Variants in OCA2 observed in about 807,000 individuals in gnomAD.
The protein encoded by OCA2 is OCA2 melanosomal transmembrane protein.
Under a neutral mutation model 100.2 loss-of-function variants are expected in OCA2, and 77 were observed. That is an observed-to-expected ratio of 0.77 (90% CI 0.64 to 0.93). The LOEUF is 0.93. Ranked by LOEUF, OCA2 falls within the 40% of genes least tolerant of loss-of-function variation. The probability of loss-of-function intolerance (pLI) is 0.00; values close to 1 mark genes in which losing one functional copy is unlikely to be tolerated. For synonymous variants in OCA2, 432 were observed against 439.2 expected (o/e 0.98, Z 0.21); for missense variants, 1,062 against 1,089.1 (o/e 0.98, Z 0.35).
At chr15:27,747,750 A>C in the OCA2 span, among the ~76,000 whole-genome samples, 1 of 22,030 alleles carries the variant, frequency 4.5e-5, no homozygotes, top group Non-Finnish European at 1.6e-4. Flanking sequence ...AATATCTATT[A>C]AAAAAAATGA....
At chr15:27,857,481 G>A (rs1352889035) in intron 21 of OCA2, among the ~76,000 whole-genome samples, 6 of 152,114 alleles carry the variant, frequency 3.9e-5, no homozygotes, top group African/African-American at 9.7e-5. Context: ...GAAATGGATC[G>A]TGGTGATAGT....
chr15:27,946,340 C>A (rs1028686795), intron 18 of OCA2, among the ~76,000 whole-genome samples: 1 of 152,122 alleles, frequency 6.6e-6, no homozygotes, highest in African/African-American at 2.4e-5. Context: ...AATAGTCAGA[C>A]AAAGCGAAAA....
intron 22 of OCA2, among the ~76,000 whole-genome samples, chr15:27,849,429 C>T (rs559158461): frequency 1.3e-5 from 2 of 152,182 alleles, no homozygotes; most frequent in Non-Finnish European, 2.9e-5. Context: ...CTTGCCTCCA[C>T]CTCTGCTTTC....
chr15:27,759,299 A>G (rs1377609260), intron 23 of OCA2, among the ~76,000 whole-genome samples: 1 of 152,192 alleles, frequency 6.6e-6, no homozygotes, highest in Non-Finnish European at 1.5e-5. Flanking sequence ...TACTGCTAAG[A>G]AGGTCTTCAA....
chr15:27,912,888 T>C (rs1037568147), intron 19 of OCA2, among the ~76,000 whole-genome samples: 19 of 152,178 alleles, frequency 1.2e-4, no homozygotes, highest in African/African-American at 3.9e-4. Flanking sequence ...CTTTCAGTAA[T>C]AGGACATGCC....
Position 28,014,908 on chromosome 15 carries a change from G to T in OCA2, c.912C>A (p.Ile304=). Residue 304 remains isoleucine, a synonymous_variant, in exon 9 of 24, where the codon ATC becomes ATA. Coordinates refer to ENST00000354638, the MANE Select transcript of OCA2 (RefSeq NM_000275.3). ...CCTGGGTCTGCTGCAGGGAGGCCCG[G>T]ATGCTGATGGACACCGTCTCTCTGC... is the stretch of plus-strand genomic sequence containing the variant. The part of the protein sequence containing the change: ...VLTRETVSIS[I]RASLQQTQAV... The T allele has an allele frequency of 6.2e-7, 1 of 1,614,184 alleles. No individual in the cohort carries two copies. The highest frequency in any genetic ancestry group is 8.5e-7 in the Non-Finnish European group (1 of 1,180,038).
intron 19 of OCA2, among the ~76,000 whole-genome samples, chr15:27,917,945 A>G (rs1826006059): frequency 6.6e-6 from 1 of 152,158 alleles, no homozygotes; most frequent in Non-Finnish European, 1.5e-5. Context: ...GTTACACCTC[A>G]TGAAGATTCC....
At position 27,757,946 on chromosome 15, in the gene OCA2, C is replaced by T. The variant is rs544904835; in HGVS notation, c.2433-2474G>A. On this transcript the variant is annotated intron_variant, in intron 23 of 23. Coordinates refer to ENST00000354638, the MANE Select transcript of OCA2 (RefSeq NM_000275.3). ...ATGATACAAATACATAAGGGTTTAT[C>T]GGAGAAGAGAATTTTACTCTCAAAT... Among the ~76,000 whole-genome samples, 21 of 152,240 alleles carry T rather than the reference C, an allele frequency of 1.4e-4. 1 individual carries two copies. Among genetic ancestry groups the T allele is most frequent in the Middle Eastern group, 6.8e-3 (2 of 294 alleles).
In OCA2 at chr15:28,081,915, A is replaced by C; in HGVS notation, c.-21-20T>G. On this transcript the variant is annotated intron_variant, in intron 1 of 23. Transcript: ENST00000354638. Reference sequence around the variant, plus strand: ...TTCTCTCTAGGGCAGCCAGAAAGAAACCACTCTTCATGAAAGGCACACTGA... The same window carrying C: ...TTCTCTCTAGGGCAGCCAGAAAGAACCCACTCTTCATGAAAGGCACACTGA... 1.3e-6 allele frequency: 2 copies of C among 1,569,698 alleles called. No individual in the cohort carries two copies. Among genetic ancestry groups the C allele is most frequent in the Non-Finnish European group, 1.7e-6 (2 of 1,155,692 alleles).
At chr15:27,754,635 G>T (rs1415886144), downstream of OCA2, among the ~76,000 whole-genome samples, 3 of 152,326 alleles carry the variant, frequency 2.0e-5, no homozygotes, top group Non-Finnish European at 4.4e-5. Context: ...GCGTCCTGCA[G>T]GGAGAGCAGG....
Position 27,966,065 on chromosome 15 carries a change from G to A in OCA2, c.1636+625C>T, listed in dbSNP as rs578054114. Among the ~76,000 whole-genome samples the A allele has an allele frequency of 3.9e-5, 6 of 152,296 alleles. No homozygotes were observed. The South Asian group carries it at 1.2e-3, about 32-fold the overall frequency. On this transcript the variant is annotated intron_variant, in intron 15 of 23. Transcript: ENST00000354638. ...GGCTCACTGCAACCTCCACCTCCTG[G>A]GTTCAAGCAATTCTCCTGCCTCAGC...
chr15:27,811,400 A>G (rs952694487), intron 23 of OCA2, among the ~76,000 whole-genome samples: 3 of 152,158 alleles, frequency 2.0e-5, no homozygotes, highest in Non-Finnish European at 4.4e-5. Context: ...AAAAAATTAC[A>G]TATTGGGTAC....
intron 23 of OCA2, among the ~76,000 whole-genome samples, chr15:27,838,087 T>C (rs1213313837): frequency 6.6e-6 from 1 of 152,166 alleles, no homozygotes; most frequent in African/African-American, 2.4e-5. Flanking sequence ...ATACGGAAGC[T>C]GGTAAAGATT....
At chr15:27,744,267 A>C in the OCA2 span, among the ~76,000 whole-genome samples, 1 of 152,196 alleles carries the variant, frequency 6.6e-6, no homozygotes, top group African/African-American at 2.4e-5. Context: ...AAAAGTTGAT[A>C]AATTCATTAA....
At chr15:27,909,465 A>G (rs2038302651) in intron 19 of OCA2, among the ~76,000 whole-genome samples, 1 of 152,200 alleles carries the variant, frequency 6.6e-6, no homozygotes, top group African/African-American at 2.4e-5. Flanking sequence ...TGAAAAAGAA[A>G]AACTAAAAAG....
At chr15:27,916,579 GC>G (rs2038672330) in intron 19 of OCA2, among the ~76,000 whole-genome samples, 2 of 152,140 alleles carry the variant, frequency 1.3e-5, no homozygotes, top group African/African-American at 2.4e-5. Context: ...TAACTTTGAA[GC>G]CCTTCTAAAT....
chr15:27,982,004 G>C (rs1302996024), intron 14 of OCA2, among the ~76,000 whole-genome samples: 1 of 152,184 alleles, frequency 6.6e-6, no homozygotes, highest in African/African-American at 2.4e-5. Flanking sequence ...CTGTCCCTTT[G>C]TGCCTGTTAT....
At chr15:28,074,093 T>C (rs537155617) in intron 2 of OCA2, among the ~76,000 whole-genome samples, 1 of 152,066 alleles carries the variant, frequency 6.6e-6, no homozygotes, top group Non-Finnish European at 1.5e-5. Flanking sequence ...AGAATTTATA[T>C]GGGAAGGCAA....
At position 27,790,907 on chromosome 15, in the gene OCA2, A is replaced by G. The variant is rs564111473; in HGVS notation, c.2433-35435T>C. ...GAACTCAAGTGATCCTCCCATGCCA[A>G]TCTCCTGCATAGCTGGGACTACAGG... On this transcript the variant is annotated intron_variant, in intron 23 of 23. Coordinates refer to ENST00000354638, the MANE Select transcript of OCA2 (RefSeq NM_000275.3). Among the ~76,000 whole-genome samples the G allele has an allele frequency of 2.7e-4, 41 of 151,778 alleles. 2 individuals carry two copies. In the South Asian group the frequency reaches 7.7e-3, roughly 29 times the overall value.
Sources: allele counts gnomAD v4.1 joint callset (sites outside exome capture counted in the v4.1 genomes callset), GRCh38; gene constraint gnomAD v4.1.1; transcripts MANE v1.5; gene names NCBI Gene and HGNC (gene_info 2026-07-23, HGNC 2026-07-21).